The following NLGN4Y variants were observed in gnomAD, a reference collection of about 807,000 sequenced individuals.
NLGN4Y encodes neuroligin 4 Y-linked.
NLGN4Y carries 4 observed loss-of-function variants against 8.4 expected under a neutral mutation model. The ratio of observed to expected loss-of-function variants is 0.48; its 90% CI spans 0.23 to 1.09. NLGN4Y has a LOEUF of 1.09. NLGN4Y is among the 50% of genes least tolerant of loss of function. NLGN4Y has a pLI of 0.19. For missense variants in NLGN4Y, 90 were observed against 192.3 expected (o/e 0.47, Z 3.15); for synonymous variants, 35 against 75.6 (o/e 0.46, Z 2.78).
At chrY:14,617,590 G>C in intron 1 of NLGN4Y, among the ~76,000 whole-genome samples, 1 of 31,582 alleles carries the variant, frequency 3.2e-5, no homozygotes, top group Admixed American at 2.9e-4. Context: ...AAGGGGGTCA[G>C]GGACCCACTT....
In NLGN4Y at chrY:14,527,109, T is replaced by C. The variant is rs201132851; in HGVS notation, c.-112+2401T>C. Among the ~76,000 whole-genome samples, 55 of 33,566 alleles carry C rather than the reference T, an allele frequency of 1.6e-3. No individual in the cohort carries two copies. In the East Asian group the frequency reaches 0.041, roughly 25 times the overall value. The allele number at this position is 33,566 out of a possible 37,273, so 90.1% of individuals were successfully genotyped here. On this transcript the variant is annotated intron_variant, in intron 1 of 6. Coordinates refer to ENST00000684976, the MANE Select transcript of NLGN4Y (RefSeq NM_001365588.1). ...CTTTGGAATACTGTGCTTTTATTTC[T>C]ACACCACAAAAAAGGATCTCACAAA...
intron 5 of NLGN4Y, among the ~76,000 whole-genome samples, chrY:14,825,655 A>ATC (rs2043141884): frequency 3.2e-5 from 1 of 31,049 alleles, no homozygotes; most frequent in African/African-American, 1.3e-4. Flanking sequence ...AGTTTCCTTT[A>ATC]TCTCTCTCTC....
In NLGN4Y at chrY:14,845,100, G is replaced by A; in HGVS notation, c.*3838G>A. 1.2e-4 allele frequency: 4 copies of A among 33,321 alleles called. No individual in the cohort carries two copies. The highest frequency in any genetic ancestry group is 3.0e-4 in the Non-Finnish European group (4 of 13,425). 8.3% of individuals were successfully genotyped at this position (33,321 alleles called of 400,897 possible). A position where few individuals can be genotyped will look rare whatever the true frequency, so the allele number is the denominator to read the frequency against. On this transcript the variant is annotated 3_prime_UTR_variant, in exon 7 of 7. Transcript: ENST00000684976. The stretch of plus-strand genomic sequence containing the variant: ...CTAGGTGTGCTATAGGCTACACATC[G>A]GTTTTGTGTAAGTATACTACATGAT...
At chrY:14,695,356 A>G (rs2080824217) in intron 2 of NLGN4Y, among the ~76,000 whole-genome samples, 1 of 33,476 alleles carries the variant, frequency 3.0e-5, no homozygotes, top group African/African-American at 1.2e-4. Context: ...AAATATAACC[A>G]AAACAATTGT....
At position 14,819,580 on chromosome Y, in the gene NLGN4Y, G is replaced by A. The variant is rs771513512; in HGVS notation, c.686-4608G>A. On this transcript the variant is annotated intron_variant, in intron 4 of 6. Coordinates refer to ENST00000684976, the MANE Select transcript of NLGN4Y (RefSeq NM_001365588.1). ...AGCCTGGGGGTGTTTGTGGTCCCTT[G>A]GATATTTCTTTGCTTGTTCCCCTTC... Among the ~76,000 whole-genome samples, 8 of 32,557 alleles carry A rather than the reference G, an allele frequency of 2.5e-4. No homozygotes were observed. The South Asian group carries it at 5.8e-3, about 24-fold the overall frequency. 87.3% of individuals were successfully genotyped at this position (32,557 alleles called of 37,273 possible). A position where few individuals can be genotyped will look rare whatever the true frequency, so the allele number is the denominator to read the frequency against.
chrY:14,757,697 C>T (rs2081066057), intron 4 of NLGN4Y, among the ~76,000 whole-genome samples: 1 of 33,929 alleles, frequency 2.9e-5, no homozygotes, highest in Non-Finnish European at 7.3e-5. Context: ...TTGCCTCAGC[C>T]TTCTGGGTAA....
chrY:14,823,312 T>C (rs2043130048), intron 4 of NLGN4Y, among the ~76,000 whole-genome samples: 1 of 33,751 alleles, frequency 3.0e-5, no homozygotes, highest in African/African-American at 1.2e-4. Context: ...CTCCCTTATG[T>C]GACACTGTTG....
At chrY:14,748,585 A>T in intron 4 of NLGN4Y, 1 of 179,070 alleles carries the variant, frequency 5.6e-6, no homozygotes, top group South Asian at 3.9e-5. Context: ...AGAGAATATC[A>T]GGCCCTCATC....
At chrY:14,690,663 G>C (rs2080807270) in intron 2 of NLGN4Y, among the ~76,000 whole-genome samples, 1 of 31,926 alleles carries the variant, frequency 3.1e-5, no homozygotes. Context: ...CAACCTATTA[G>C]GTATTGTGAC....
At chrY:14,676,672 C>T (rs886185189) in intron 2 of NLGN4Y, among the ~76,000 whole-genome samples, 28 of 33,296 alleles carry the variant, frequency 8.4e-4, no homozygotes, top group African/African-American at 3.3e-3. Flanking sequence ...CCACTAGCTT[C>T]ATTCAGTTAC....
intron 1 of NLGN4Y, among the ~76,000 whole-genome samples, chrY:14,576,760 A>G (rs995495225): frequency 8.9e-5 from 3 of 33,624 alleles, no homozygotes; most frequent in Admixed American, 5.4e-4. Context: ...AACTCAGAAC[A>G]GAAGGACCTA....
intron 4 of NLGN4Y, among the ~76,000 whole-genome samples, chrY:14,788,186 T>G: frequency 5.9e-5 from 2 of 34,043 alleles, no homozygotes; most frequent in African/African-American, 2.3e-4. Flanking sequence ...TATGCATTTC[T>G]TGTTGTTTCT....
intron 4 of NLGN4Y, among the ~76,000 whole-genome samples, chrY:14,784,241 T>C: frequency 3.0e-5 from 1 of 33,486 alleles, no homozygotes; most frequent in African/African-American, 1.2e-4. Flanking sequence ...TTGGTGGGAG[T>C]GTAAATTCTT....
rs1603503802 is a variant in NLGN4Y, at chrY:14,772,428, C to A, written c.685+49159C>A. Among the ~76,000 whole-genome samples the A allele has an allele frequency of 2.7e-4, 9 of 33,190 alleles. No individual in the cohort carries two copies. In the East Asian group the frequency reaches 7.2e-3, roughly 27 times the overall value. The allele number at this position is 33,190 out of a possible 37,273, so 89.0% of individuals were successfully genotyped here. On this transcript the variant is annotated intron_variant, in intron 4 of 6. Coordinates refer to ENST00000684976, the MANE Select transcript of NLGN4Y (RefSeq NM_001365588.1). Reference sequence around the variant, plus strand: ...AGTTGAGGCAGTAATTACTAGCCTACCAACCAAAAACGGCACAGAATCAGG... The same window carrying A: ...AGTTGAGGCAGTAATTACTAGCCTAACAACCAAAAACGGCACAGAATCAGG...
intron 1 of NLGN4Y, among the ~76,000 whole-genome samples, chrY:14,530,864 T>C (rs757729210): frequency 5.9e-4 from 20 of 34,036 alleles, no homozygotes; most frequent in African/African-American, 2.3e-3. Context: ...TCACAAATGT[T>C]GAGAACCTCA....
chrY:14,798,776 T>G, intron 4 of NLGN4Y: 1 of 33,756 alleles, frequency 3.0e-5, no homozygotes, highest in African/African-American at 1.2e-4. Context: ...TAAAAAAACA[T>G]TTAGCCTATA....
chrY:14,553,131 G>A (rs2080199761), intron 1 of NLGN4Y, among the ~76,000 whole-genome samples: 1 of 32,901 alleles, frequency 3.0e-5, no homozygotes, highest in Admixed American at 2.8e-4. Context: ...CCCAGTAATA[G>A]ACAAACAGAG....
chrY:14,775,374 A>C (rs2081121751), intron 4 of NLGN4Y, among the ~76,000 whole-genome samples: 6 of 32,030 alleles, frequency 1.9e-4, no homozygotes, highest in African/African-American at 4.9e-4. Flanking sequence ...CTGGAGACGT[A>C]TTTTGGGGAG....
intron 1 of NLGN4Y, among the ~76,000 whole-genome samples, chrY:14,542,252 A>C (rs2080151950): frequency 2.9e-5 from 1 of 33,968 alleles, no homozygotes. Context: ...AGAGCTAACT[A>C]TCCTAAATAC....
Sources: gnomAD v4.1 joint callset for allele counts (sites outside exome capture counted in the v4.1 genomes callset) on GRCh38, gnomAD v4.1.1 for gene constraint, MANE v1.5 for transcripts, NCBI Gene and HGNC (gene_info 2026-07-23, HGNC 2026-07-21) for gene names.